SPAG16: variants seen among roughly 807,000 people sequenced by gnomAD.
SPAG16 encodes sperm associated antigen 16, also known as sperm-associated antigen 16 protein.
SPAG16 carries 86 observed loss-of-function variants against 80.4 expected under a neutral mutation model. That is an observed-to-expected ratio of 1.07 (90% CI 0.90 to 1.28). The LOEUF is 1.28. SPAG16 is among the 50% of genes most tolerant of loss of function. SPAG16 has a pLI of 0.00. For synonymous variants in SPAG16, 294 were observed against 265.9 expected, an observed-to-expected ratio of 1.11 and a Z score of -1.03; for missense variants, 870 against 765.3, an observed-to-expected ratio of 1.14 and a Z score of -1.61.
intron 10 of SPAG16, among the ~76,000 whole-genome samples, chr2:213,619,352 A>G (rs2061697535): frequency 1.3e-5 from 2 of 152,220 alleles, no homozygotes; most frequent in South Asian, 4.1e-4. Context: ...AGCAAAGGAA[A>G]CAATAAGCAA....
At chr2:213,976,839 G>T (rs931274570) in intron 12 of SPAG16, among the ~76,000 whole-genome samples, 3 of 151,982 alleles carry the variant, frequency 2.0e-5, no homozygotes, top group African/African-American at 7.2e-5. Context: ...TTGTTTGTTT[G>T]TTTGTTTTTT....
chr2:213,862,603 C>T lies in SPAG16; in HGVS notation c.1189C>T (p.Leu397Phe), dbSNP rs775191467. The change falls in exon 11 of 16, where the codon CTT (leucine) becomes TTT (phenylalanine). Residue 397 changes from leucine to phenylalanine, a missense_variant. Transcript: ENST00000331683. ...LLTGFGHTDWLSDCCFHPSGD... is the reference protein window; with the variant it reads ...LLTGFGHTDWFSDCCFHPSGD... ...CACGGGATTTGGCCACACTGACTGG[C>T]TTTCAGACTGCTGCTTCCATCCCAG... 1.2e-6 allele frequency: 2 copies of T among 1,614,124 alleles called. No homozygotes were observed. The highest frequency in any genetic ancestry group is 3.3e-5 in the Admixed American group (2 of 60,002).
At chr2:213,501,117 A>G (rs1031247611) in intron 10 of SPAG16, among the ~76,000 whole-genome samples, 1 of 152,226 alleles carries the variant, frequency 6.6e-6, no homozygotes, top group East Asian at 1.9e-4. Flanking sequence ...TGGAATGGCC[A>G]TGGACTGCAC....
At position 213,932,195 on chromosome 2, in the gene SPAG16, TATA is replaced by T. The variant is rs1250076484; in HGVS notation, c.1400+2051_1400+2053del. The stretch of plus-strand genomic sequence containing the variant: ...ATATATATATATATATATATATATA[TATA>T]TTTGTTGTTGTTGTTGTTGTTGTTG... On this transcript the variant is annotated intron_variant, in intron 12 of 15. Coordinates refer to ENST00000331683, the MANE Select transcript of SPAG16 (RefSeq NM_024532.5). 1.4e-3 allele frequency among the ~76,000 whole-genome samples: 158 copies of T among 114,826 alleles called. 4 individuals carry two copies. Among genetic ancestry groups the T allele is most frequent in the African/African-American group, 5.3e-3 (149 of 28,042 alleles). The allele number at this position is 114,826 out of a possible 152,430, so 75.3% of individuals were successfully genotyped here. A position where few individuals can be genotyped will look rare whatever the true frequency, so the allele number is the denominator to read the frequency against.
chr2:213,713,072 C>T (rs757459230), intron 10 of SPAG16, among the ~76,000 whole-genome samples: 6 of 152,096 alleles, frequency 3.9e-5, no homozygotes, highest in Admixed American at 1.3e-4. Context: ...GGGGAAAGCC[C>T]CTCATAAAAC....
chr2:214,019,492 G>T (rs546750390), intron 13 of SPAG16, among the ~76,000 whole-genome samples: 2 of 152,218 alleles, frequency 1.3e-5, no homozygotes, highest in East Asian at 1.9e-4. Context: ...GCGGGCACTT[G>T]TCCAGCTTAC....
intron 15 of SPAG16, among the ~76,000 whole-genome samples, chr2:214,265,216 C>T (rs1236847157): frequency 6.6e-6 from 1 of 152,108 alleles, no homozygotes; most frequent in Non-Finnish European, 1.5e-5. Context: ...TTTGTATTCT[C>T]ACCAACAATA....
At chr2:213,717,866 TA>T (rs2066306057) in intron 10 of SPAG16, among the ~76,000 whole-genome samples, 1 of 152,138 alleles carries the variant, frequency 6.6e-6, no homozygotes, top group African/African-American at 2.4e-5. Flanking sequence ...AATGGGGTTT[TA>T]AACATAAGAC....
chr2:213,631,888 C>A (rs1329669062), intron 10 of SPAG16, among the ~76,000 whole-genome samples: 1 of 152,060 alleles, frequency 6.6e-6, no homozygotes, highest in Non-Finnish European at 1.5e-5. Context: ...TACAGTAGCT[C>A]TGTAGTATCA....
chr2:213,713,533 A>G (rs2066099008), intron 10 of SPAG16, among the ~76,000 whole-genome samples: 1 of 152,228 alleles, frequency 6.6e-6, no homozygotes, highest in African/African-American at 2.4e-5. Context: ...CCTACAAAAG[A>G]AAAAACAAAC....
intron 4 of SPAG16, among the ~76,000 whole-genome samples, chr2:213,316,423 GTC>G (rs2063402872): frequency 6.6e-6 from 1 of 151,990 alleles, no homozygotes; most frequent in South Asian, 2.1e-4. Context: ...CTGCTAACTG[GTC>G]TCTCTGATTC....
In SPAG16 at chr2:213,949,179, T is replaced by TTTTTTTTTTTTTTTTTTTTTTTTTTTTG. The variant is rs1553677674; in HGVS notation, c.1400+19048_1400+19049insTTTTTTTTTTTTTGTTTTTTTTTTTTTT. 2.5e-4 allele frequency among the ~76,000 whole-genome samples: 9 copies of TTTTTTTTTTTTTTTTTTTTTTTTTTTTG among 36,244 alleles called. 1 individual carries two copies. The highest frequency in any genetic ancestry group is 1.0e-3 in the East Asian group (1 of 962). The allele number at this position is 36,244 out of a possible 152,430, so 23.8% of individuals were successfully genotyped here. ...TACTTAATTACAACAGTTTTTTTTT[T>TTTTTTTTTTTTTTTTTTTTTTTTTTTTG]TTTTTTTTTTTTTTGAGGTAGAGTC... On this transcript the variant is annotated intron_variant, in intron 12 of 15. Coordinates refer to ENST00000331683, the MANE Select transcript of SPAG16 (RefSeq NM_024532.5).
intron 11 of SPAG16, among the ~76,000 whole-genome samples, chr2:213,878,779 G>A (rs972081534): frequency 2.2e-4 from 34 of 151,882 alleles, no homozygotes; most frequent in African/African-American, 7.5e-4. Flanking sequence ...TAATAGTTTC[G>A]AGTGTTACAT....
intron 12 of SPAG16, among the ~76,000 whole-genome samples, chr2:214,000,198 C>T (rs2046727044): frequency 6.6e-6 from 1 of 152,130 alleles, no homozygotes; most frequent in South Asian, 2.1e-4. Context: ...ATAATTTCTA[C>T]TTGTTGTGGG....
At position 213,501,768 on chromosome 2, in the gene SPAG16, G is replaced by C. The variant is rs868474815; in HGVS notation, c.1070+11678G>C. Reference sequence around the variant, plus strand: ...ATGTACATTTATTTGTGATGTTTATGTAGATATTAAAAATAGATATTGGAC... The same window carrying C: ...ATGTACATTTATTTGTGATGTTTATCTAGATATTAAAAATAGATATTGGAC... On this transcript the variant is annotated intron_variant, in intron 10 of 15. Transcript: ENST00000331683. Among the ~76,000 whole-genome samples the C allele has an allele frequency of 3.1e-4, 47 of 152,252 alleles. 1 individual carries two copies. The highest frequency in any genetic ancestry group is 1.0e-3 in the South Asian group (5 of 4,824).
Position 213,472,225 on chromosome 2 carries a change from C to T in SPAG16, c.943-17738C>T, listed in dbSNP as rs929681209. On this transcript the variant is annotated intron_variant, in intron 9 of 15. Transcript: ENST00000331683. Reference sequence around the variant, plus strand: ...GGCCTTGCCAGTTGAAAGCAAATTGCTTCTAGTGGGCCTTATGGACAGGAA... The same window carrying T: ...GGCCTTGCCAGTTGAAAGCAAATTGTTTCTAGTGGGCCTTATGGACAGGAA... 5.9e-5 allele frequency among the ~76,000 whole-genome samples: 9 copies of T among 152,012 alleles called. 1 individual carries two copies. Among genetic ancestry groups the T allele is most frequent in the African/African-American group, 2.2e-4 (9 of 41,314 alleles).
intron 10 of SPAG16, among the ~76,000 whole-genome samples, chr2:213,826,324 A>G (rs1338050903): frequency 6.6e-6 from 1 of 151,454 alleles, no homozygotes; most frequent in African/African-American, 2.4e-5. Context: ...GTTCTTTAAG[A>G]TACATCATGA....
At chr2:214,292,718 T>C (rs1401850958) in intron 15 of SPAG16, among the ~76,000 whole-genome samples, 1 of 152,210 alleles carries the variant, frequency 6.6e-6, no homozygotes, top group East Asian at 1.9e-4. Flanking sequence ...TTTCCTTGCT[T>C]TTTGATGCTT....
chr2:214,334,675 G>A (rs372049999), intron 15 of SPAG16, among the ~76,000 whole-genome samples: 4 of 152,188 alleles, frequency 2.6e-5, no homozygotes, highest in African/African-American at 9.7e-5. Flanking sequence ...AGGTTTCAGA[G>A]TCCTTCTAAT....
Sources: gnomAD v4.1 joint callset for allele counts (sites outside exome capture counted in the v4.1 genomes callset) on GRCh38, gnomAD v4.1.1 for gene constraint, MANE v1.5 for transcripts, NCBI Gene and HGNC (gene_info 2026-07-23, HGNC 2026-07-21) for gene names.